The following CLNK variants were observed in gnomAD, a reference collection of about 807,000 sequenced individuals.
CLNK encodes cytokine-dependent hematopoietic cell linker.
Under a neutral mutation model 68.6 loss-of-function variants are expected in CLNK, and 74 were observed. That is an observed-to-expected ratio of 1.08 (90% CI 0.89 to 1.31). The LOEUF is 1.31. Ranked by LOEUF, CLNK falls within the 50% of genes most tolerant of loss-of-function variation. The pLI is 0.00. For missense variants in CLNK, 553 were observed against 515.3 expected, an observed-to-expected ratio of 1.07 and a Z score of -0.71; for synonymous variants, 198 against 172.2, an observed-to-expected ratio of 1.15 and a Z score of -1.17.
chr4:10,725,241 CA>C, the CLNK span, among the ~76,000 whole-genome samples: 2 of 150,056 alleles, frequency 1.3e-5, no homozygotes, highest in East Asian at 4.0e-4. Context: ...TTGACTGGAG[CA>C]CACCCTTTCC....
chr4:10,536,438 C>T (rs1370132529), intron 11 of CLNK, among the ~76,000 whole-genome samples: 1 of 152,198 alleles, frequency 6.6e-6, no homozygotes, highest in Non-Finnish European at 1.5e-5. Flanking sequence ...TTTGAAAGCA[C>T]ATCTCTCTTT....
the CLNK span, among the ~76,000 whole-genome samples, chr4:10,733,203 T>C: frequency 1.3e-5 from 2 of 152,100 alleles, no homozygotes; most frequent in African/African-American, 4.8e-5. Flanking sequence ...ACCTCTTTCA[T>C]GGCAAGAGCC....
intron 1 of CLNK, among the ~76,000 whole-genome samples, chr4:10,670,267 G>T (rs1724575964): frequency 6.6e-6 from 1 of 152,184 alleles, no homozygotes; most frequent in African/African-American, 2.4e-5. Flanking sequence ...GACAATTTTT[G>T]AATATTAGTA....
chr4:10,675,265 A>G (rs1724822638), intron 1 of CLNK, among the ~76,000 whole-genome samples: 1 of 152,228 alleles, frequency 6.6e-6, no homozygotes, highest in Non-Finnish European at 1.5e-5. Flanking sequence ...CAAAGAACAT[A>G]CATTCGATTT....
intron 2 of CLNK, among the ~76,000 whole-genome samples, chr4:10,602,037 C>T (rs1721606600): frequency 6.6e-6 from 1 of 152,228 alleles, no homozygotes; most frequent in African/African-American, 2.4e-5. Flanking sequence ...CATCGCCCCA[C>T]ACACTCCAGA....
chr4:10,625,551 G>C (rs1263129487), intron 2 of CLNK, among the ~76,000 whole-genome samples: 1 of 152,284 alleles, frequency 6.6e-6, no homozygotes, highest in Non-Finnish European at 1.5e-5. Flanking sequence ...GTAAGAGGGA[G>C]AGACAGAGAA....
chr4:10,619,260 G>A (rs965023670), intron 2 of CLNK, among the ~76,000 whole-genome samples: 1 of 152,164 alleles, frequency 6.6e-6, no homozygotes, highest in African/African-American at 2.4e-5. Flanking sequence ...GCCTTTTCAC[G>A]CTAAATTAGA....
upstream of CLNK, among the ~76,000 whole-genome samples, chr4:10,685,939 T>A (rs963469760): frequency 1.2e-4 from 18 of 152,228 alleles, no homozygotes; most frequent in Non-Finnish European, 1.9e-4. Flanking sequence ...ATTGTGTGTG[T>A]CACTTGCTCA....
intron 2 of CLNK, among the ~76,000 whole-genome samples, chr4:10,628,581 C>T (rs549707720): frequency 6.6e-6 from 1 of 152,284 alleles, no homozygotes; most frequent in East Asian, 1.9e-4. Context: ...GCTGAGGGGC[C>T]TTGGAGGCAG....
At chr4:10,602,006 A>G (rs1331378892) in intron 2 of CLNK, among the ~76,000 whole-genome samples, 2 of 152,190 alleles carry the variant, frequency 1.3e-5, no homozygotes, top group African/African-American at 2.4e-5. Context: ...CAATCACTTC[A>G]TCTTCTGCTG....
At chr4:10,680,395 A>G (rs1384480379) in intron 1 of CLNK, among the ~76,000 whole-genome samples, 1 of 150,398 alleles carries the variant, frequency 6.6e-6, no homozygotes, top group Non-Finnish European at 1.5e-5. Context: ...GAGGGATAGC[A>G]TTAGGAGGTA....
intron 2 of CLNK, among the ~76,000 whole-genome samples, chr4:10,656,047 C>T (rs1048936280): frequency 6.6e-6 from 1 of 151,938 alleles, no homozygotes; most frequent in Non-Finnish European, 1.5e-5. Flanking sequence ...ACACTATACA[C>T]AAATTAATCA....
chr4:10,616,711 A>G (rs1722239503), intron 2 of CLNK, among the ~76,000 whole-genome samples: 1 of 151,330 alleles, frequency 6.6e-6, no homozygotes, highest in African/African-American at 2.4e-5. Flanking sequence ...TTTCATTATT[A>G]TTTGTAAATT....
At chr4:10,505,026 C>G (rs766851705) in intron 17 of CLNK, among the ~76,000 whole-genome samples, 1 of 152,310 alleles carries the variant, frequency 6.6e-6, no homozygotes, top group Non-Finnish European at 1.5e-5. Flanking sequence ...GCTTTTCCAG[C>G]ACAATCCACA....
intron 4 of CLNK, among the ~76,000 whole-genome samples, chr4:10,583,366 A>G (rs548728384): frequency 1.3e-5 from 2 of 151,930 alleles, no homozygotes; most frequent in Admixed American, 6.6e-5. Flanking sequence ...GGCTCCCTGC[A>G]ACCTCCATCT....
At chr4:10,627,149 T>C (rs968962914) in intron 2 of CLNK, among the ~76,000 whole-genome samples, 60 of 152,174 alleles carry the variant, frequency 3.9e-4, no homozygotes, top group African/African-American at 1.2e-3. Context: ...CCATAGAGAA[T>C]GGGTTCATTT....
chr4:10,659,506 A>G (rs1394409531), intron 2 of CLNK, among the ~76,000 whole-genome samples: 2 of 152,214 alleles, frequency 1.3e-5, no homozygotes, highest in African/African-American at 4.8e-5. Flanking sequence ...CTATACTTCT[A>G]TTGAAGTATT....
At chr4:10,634,648 A>C (rs544992927) in intron 2 of CLNK, among the ~76,000 whole-genome samples, 1 of 152,252 alleles carries the variant, frequency 6.6e-6, no homozygotes, top group African/African-American at 2.4e-5. Context: ...GCACCTCTGC[A>C]TTTCCAGCTT....
chr4:10,591,518 A>G (rs1028336472), intron 3 of CLNK, among the ~76,000 whole-genome samples: 3 of 152,230 alleles, frequency 2.0e-5, no homozygotes, highest in Non-Finnish European at 4.4e-5. Context: ...GAGTGAGTGA[A>G]TGTGTGAGTG....
Sources: allele counts gnomAD v4.1 joint callset (sites outside exome capture counted in the v4.1 genomes callset), GRCh38; gene constraint gnomAD v4.1.1; transcripts MANE v1.5; gene names NCBI Gene and HGNC (gene_info 2026-07-23, HGNC 2026-07-21).